Variants in PHACTR1 observed in about 807,000 individuals in gnomAD.
PHACTR1 encodes RPEL repeat containing 1.
A neutral mutation model predicts 69.2 loss-of-function variants in PHACTR1; 16 were observed. That is an observed-to-expected ratio of 0.23 (90% CI 0.16 to 0.35). The LOEUF is 0.35. Among genes scored for constraint, PHACTR1 ranks in the 10% least tolerant of loss-of-function variants. PHACTR1 has a pLI of 1.00. For synonymous variants in PHACTR1, 312 were observed against 284.5 expected (o/e 1.10, Z -0.97); for missense variants, 510 against 734.7 (o/e 0.69, Z 3.54).
At chr6:12,854,909 GAGAAA>G (rs1285537006) in intron 4 of PHACTR1, among the ~76,000 whole-genome samples, 1 of 152,184 alleles carries the variant, frequency 6.6e-6, no homozygotes, top group Non-Finnish European at 1.5e-5. Context: ...CAAGGTTGTA[GAGAAA>G]AGGGAATATA....
chr6:13,009,948 G>T (rs548081658), intron 4 of PHACTR1, among the ~76,000 whole-genome samples: 3 of 149,664 alleles, frequency 2.0e-5, no homozygotes, highest in African/African-American at 7.4e-5. Context: ...CTGCATATAC[G>T]CCATCTCTTC....
chr6:12,752,347 A>C (rs1044209670), intron 4 of PHACTR1, among the ~76,000 whole-genome samples: 2 of 152,200 alleles, frequency 1.3e-5, no homozygotes, highest in African/African-American at 4.8e-5. Context: ...CTCCCAATAA[A>C]TTACATAATC....
At chr6:12,899,083 A>G (rs1421849376) in intron 4 of PHACTR1, among the ~76,000 whole-genome samples, 1 of 152,160 alleles carries the variant, frequency 6.6e-6, no homozygotes, top group Non-Finnish European at 1.5e-5. Context: ...GCCTCCCTGC[A>G]TTCTCCCAGA....
chr6:13,054,475 G>A lies in PHACTR1; in HGVS notation c.415+946G>A, dbSNP rs141622532. Among the ~76,000 whole-genome samples the A allele has an allele frequency of 6.2e-3, 951 of 152,316 alleles. 47 individuals are homozygous for A. The South Asian group carries it at 0.13, about 20-fold the overall frequency. On this transcript the variant is annotated intron_variant, in intron 5 of 14. Transcript: ENST00000332995. ...AAACAACAGAAATGTGTTTCTCACAGTTCTGGAGGCTGGAAGTCCTAGATC... is the reference window on the plus strand; with the variant it reads ...AAACAACAGAAATGTGTTTCTCACAATTCTGGAGGCTGGAAGTCCTAGATC...
intron 5 of PHACTR1, among the ~76,000 whole-genome samples, chr6:13,158,872 TTTAA>T (rs1420348288): frequency 6.6e-6 from 1 of 152,256 alleles, no homozygotes; most frequent in Non-Finnish European, 1.5e-5. Flanking sequence ...GCAGTGTGTG[TTTAA>T]TTAATCTGTA....
Position 13,182,662 on chromosome 6 carries a change from C to T in PHACTR1, c.640C>T (p.Pro214Ser). ...TCCCTGCTCATATGAGGTGCTCCAACCGTCAGACATCATGGATGGGCCAGG... is the reference window on the plus strand; with the variant it reads ...TCCCTGCTCATATGAGGTGCTCCAATCGTCAGACATCATGGATGGGCCAGG... ...RDPCSYEVLQ[P>S]SDIMDGPDPG... The change falls in exon 7 of 15, where the codon CCG (proline) becomes TCG (serine). Residue 214 changes from proline to serine, a missense_variant. Pro to Ser is a moderately conservative substitution (Grantham distance 74). Coordinates refer to ENST00000332995, the MANE Select transcript of PHACTR1 (RefSeq NM_030948.6). 4 of 1,573,428 alleles carry T rather than the reference C, an allele frequency of 2.5e-6. No individual in the cohort carries two copies. Among genetic ancestry groups the T allele is most frequent in the Non-Finnish European group, 3.4e-6 (4 of 1,161,332 alleles).
chr6:13,112,389 C>T (rs1176753047), intron 5 of PHACTR1, among the ~76,000 whole-genome samples: 2 of 152,194 alleles, frequency 1.3e-5, no homozygotes, highest in South Asian at 4.1e-4. Context: ...TTTGGGTATA[C>T]ACCCACTAAT....
intron 4 of PHACTR1, among the ~76,000 whole-genome samples, chr6:12,800,899 G>GA (rs71552717): frequency 0.37 from 54,137 of 146,002 alleles, 10,368 homozygotes; most frequent in African/African-American, 0.48. Context: ...AAAAGAAAAA[G>GA]AAAAAAAAAA....
intron 10 of PHACTR1, among the ~76,000 whole-genome samples, chr6:13,259,595 C>T (rs1775636290): frequency 6.6e-6 from 1 of 152,198 alleles, no homozygotes; most frequent in Non-Finnish European, 1.5e-5. Context: ...GGGACTTTCA[C>T]ATCTAATTCT....
chr6:12,791,756 A>G (rs142121336), intron 4 of PHACTR1, among the ~76,000 whole-genome samples: 2 of 152,178 alleles, frequency 1.3e-5, no homozygotes, highest in Admixed American at 1.3e-4. Flanking sequence ...AACAGCCGTT[A>G]AGTGTTTGTT....
chr6:12,857,854 AGAAATGAAACAAGG>A (rs1188755969), intron 4 of PHACTR1, among the ~76,000 whole-genome samples: 1 of 152,228 alleles, frequency 6.6e-6, no homozygotes, highest in Non-Finnish European at 1.5e-5. Flanking sequence ...CAAAGTCTAC[AGAAATGAAACAAGG>A]GATTTGTAGT....
chr6:12,818,533 G>A (rs539311070), intron 4 of PHACTR1, among the ~76,000 whole-genome samples: 39 of 152,218 alleles, frequency 2.6e-4, no homozygotes, highest in Non-Finnish European at 4.9e-4. Flanking sequence ...GGAGTGGGAA[G>A]TAGATTTCAC....
intron 4 of PHACTR1, among the ~76,000 whole-genome samples, chr6:12,803,219 AC>A: frequency 6.6e-6 from 1 of 152,074 alleles, no homozygotes; most frequent in East Asian, 1.9e-4. Flanking sequence ...CTATGTGTCA[AC>A]CCCGCTGCGT....
chr6:12,770,331 G>A (rs913411125), intron 4 of PHACTR1, among the ~76,000 whole-genome samples: 1 of 152,238 alleles, frequency 6.6e-6, no homozygotes, highest in East Asian at 1.9e-4. Flanking sequence ...GGGAACATGA[G>A]TCTGGCTGGG....
rs200936005 is a variant in PHACTR1 at position 13,252,615 on chromosome 6, T to TAAA, written c.1392-20234_1392-20232dup. 6.0e-3 allele frequency among the ~76,000 whole-genome samples: 870 copies of TAAA among 145,892 alleles called. 11 individuals are homozygous for TAAA. Among genetic ancestry groups the TAAA allele is most frequent in the African/African-American group, 0.02 (795 of 40,098 alleles). On this transcript the variant is annotated intron_variant, in intron 10 of 14. Coordinates refer to ENST00000332995, the MANE Select transcript of PHACTR1 (RefSeq NM_030948.6). ...TTAAAATCTGCCATGCTGCTGTTATTAAAAAAAAAAAAAGTTTTGGGGGAG... is the reference window on the plus strand; with the variant it reads ...TTAAAATCTGCCATGCTGCTGTTATTAAAAAAAAAAAAAAAAGTTTTGGGGGAG...
At chr6:13,251,548 G>A (rs1339090598) in intron 10 of PHACTR1, among the ~76,000 whole-genome samples, 1 of 152,142 alleles carries the variant, frequency 6.6e-6, no homozygotes, top group African/African-American at 2.4e-5. Flanking sequence ...TGGTGCATGT[G>A]TGTGTTGAGT....
At chr6:13,265,599 T>G (rs1253316816) in intron 10 of PHACTR1, among the ~76,000 whole-genome samples, 1 of 152,258 alleles carries the variant, frequency 6.6e-6, no homozygotes, top group Non-Finnish European at 1.5e-5. Context: ...CAGCAGATGC[T>G]GACTTCAGTT....
chr6:13,241,536 C>T (rs542379923), intron 10 of PHACTR1, among the ~76,000 whole-genome samples: 1 of 152,286 alleles, frequency 6.6e-6, no homozygotes, highest in Admixed American at 6.5e-5. Context: ...TGGACCTGAG[C>T]TTGAAAGCTC....
intron 4 of PHACTR1, among the ~76,000 whole-genome samples, chr6:12,804,593 G>C (rs746019362): frequency 6.6e-6 from 1 of 152,200 alleles, no homozygotes; most frequent in Non-Finnish European, 1.5e-5. Flanking sequence ...TTTGGGAGGG[G>C]GGTGGATCCC....
Sources: allele counts gnomAD v4.1 joint callset (sites outside exome capture counted in the v4.1 genomes callset), GRCh38; gene constraint gnomAD v4.1.1; transcripts MANE v1.5; gene names NCBI Gene and HGNC (gene_info 2026-07-23, HGNC 2026-07-21).